The following RUBCN variants were observed in gnomAD, a reference collection of about 807,000 sequenced individuals.
RUBCN encodes the protein rubicon autophagy regulator.
Under a neutral mutation model 113.2 loss-of-function variants are expected in RUBCN, and 74 were observed. The observed-to-expected ratio is 0.65, with a 90% confidence interval of 0.54 to 0.79. The LOEUF (loss-of-function observed/expected upper bound fraction) is 0.79, where lower values mean the gene tolerates loss of function less well. RUBCN is among the 30% of genes least tolerant of loss of function. RUBCN has a pLI of 0.00. For missense variants in RUBCN, 1,109 were observed against 1,251.7 expected (o/e 0.89, Z 1.72); for synonymous variants, 480 against 490.0 (o/e 0.98, Z 0.27).
At chr3:197,737,622 G>C (rs775146570), upstream of RUBCN, among the ~76,000 whole-genome samples, 1 of 152,012 alleles carries the variant, frequency 6.6e-6, no homozygotes, top group Non-Finnish European at 1.5e-5. Context: ...ATCATGAAAT[G>C]CCATTTTAAG....
chr3:197,681,242 C>T lies in RUBCN; in HGVS notation c.2317G>A (p.Val773Ile), dbSNP rs369445524. Residue 773 changes from valine to isoleucine, a missense_variant, in exon 16 of 20, where the codon GTC becomes ATC. Val to Ile is a conservative substitution (Grantham distance 29). Coordinates refer to ENST00000296343, the MANE Select transcript of RUBCN (RefSeq NM_014687.4). The surrounding 1 kb of genome is among the most constrained non-coding windows in gnomAD (Gnocchi z 5.5). ...LRKWDFSKYYVSNFSKDLLIK... is the reference protein window; with the variant it reads ...LRKWDFSKYYISNFSKDLLIK... ...AGCAGGTCCTTGGAGAAGTTGCTGA[C>T]GTAGTACTTGCTGAAGTCCCACTTG... 1.4e-5 allele frequency: 23 copies of T among 1,613,984 alleles called. No homozygotes were observed. Among genetic ancestry groups the T allele is most frequent in the South Asian group, 5.5e-5 (5 of 91,082 alleles).
At chr3:197,708,928 G>A (rs1038147402) in intron 2 of RUBCN, among the ~76,000 whole-genome samples, 1 of 152,058 alleles carries the variant, frequency 6.6e-6, no homozygotes, top group African/African-American at 2.4e-5. Flanking sequence ...GGGGAAAAAT[G>A]AAAAATGAAA....
chr3:197,725,491 C>G (rs1251455532), intron 1 of RUBCN, among the ~76,000 whole-genome samples: 3 of 149,300 alleles, frequency 2.0e-5, no homozygotes, highest in Non-Finnish European at 4.4e-5. Flanking sequence ...ATCGGCCAGT[C>G]CCATACATTT....
chr3:197,677,105 T>A (rs571486225), intron 17 of RUBCN, 67 bp from the exon 18 acceptor site: 2 of 1,521,530 alleles, frequency 1.3e-6, no homozygotes, highest in African/African-American at 2.7e-5. Context: ...AGTAGAAGGA[T>A]CCCTATCCAG....
At position 197,675,229 on chromosome 3, in the gene RUBCN, A is replaced by C. The variant is rs1388974269; in HGVS notation, c.2741-33T>G. ...GGTTGGGAAGGTGGGGGAGAGAAGA[A>C]AACAATTTGTATTATCTCCAGCTAG... On this transcript the variant is annotated intron_variant, in intron 19 of 19. Transcript: ENST00000296343. The surrounding 1 kb of genome is among the most constrained non-coding windows in gnomAD (Gnocchi z 4.4). 6.2e-7 allele frequency: 1 copy of C among 1,611,414 alleles called. No individual in the cohort carries two copies. Among genetic ancestry groups the C allele is most frequent in the African/African-American group, 1.3e-5 (1 of 75,018 alleles).
At chr3:197,707,018 T>C (rs1356386658) in intron 2 of RUBCN, among the ~76,000 whole-genome samples, 2 of 151,216 alleles carry the variant, frequency 1.3e-5, no homozygotes, top group Non-Finnish European at 2.9e-5. Flanking sequence ...CTCCAGCATG[T>C]CTCTTGGTTA....
chr3:197,684,787 A>G (rs577484839), intron 11 of RUBCN, among the ~76,000 whole-genome samples: 2 of 152,202 alleles, frequency 1.3e-5, no homozygotes, highest in East Asian at 3.9e-4. Context: ...TGCCTAACAC[A>G]TAACTGGGAT....
rs1208091752 is a variant in RUBCN, at chr3:197,669,803, TAATA to T, written c.*5211_*5214del. On this transcript the variant is annotated 3_prime_UTR_variant, in exon 20 of 20. Transcript: ENST00000296343. ...GTCATTTATTTATGTATGTATGGAC[TAATA>T]AATATATATTTGACATACACTTTTT... Among the ~76,000 whole-genome samples the T allele has an allele frequency of 1.3e-5, 2 of 152,264 alleles. No homozygotes were observed. The highest frequency in any genetic ancestry group is 2.9e-5 in the Non-Finnish European group (2 of 68,048).
chr3:197,692,440 AG>A (rs1722526680), intron 11 of RUBCN, among the ~76,000 whole-genome samples: 1 of 151,572 alleles, frequency 6.6e-6, no homozygotes, highest in Admixed American at 6.6e-5. Context: ...GCCTTGGGGA[AG>A]GGGGTCGTGG....
Position 197,706,442 on chromosome 3 carries a change from G to C in RUBCN, c.220-1267C>G, listed in dbSNP as rs141612739. On this transcript the variant is annotated intron_variant, in intron 2 of 19. Transcript: ENST00000296343. ...TCATGCCTGTAATCTCAGCACTTTG[G>C]GGGGCTGAGGTGAGCGGATCACTTG... Among the ~76,000 whole-genome samples, 24 of 152,216 alleles carry C rather than the reference G, an allele frequency of 1.6e-4. No homozygotes were observed. In the South Asian group the frequency reaches 1.7e-3, roughly 11 times the overall value.
At chr3:197,731,815 C>T (rs1159343243) in intron 1 of RUBCN, among the ~76,000 whole-genome samples, 5 of 151,976 alleles carry the variant, frequency 3.3e-5, no homozygotes, top group African/African-American at 1.2e-4. Context: ...CCCCCACCTC[C>T]CTCCGGGACA....
At chr3:197,724,486 T>C (rs114458338) in intron 1 of RUBCN, among the ~76,000 whole-genome samples, 1 of 152,212 alleles carries the variant, frequency 6.6e-6, no homozygotes, top group South Asian at 2.1e-4. Context: ...CTGGTCTATC[T>C]TCAATCCCCA....
chr3:197,694,037 G>C (rs1722719730), intron 10 of RUBCN: 2 of 545,332 alleles, frequency 3.7e-6, no homozygotes, highest in Non-Finnish European at 6.5e-6. Context: ...TGGGAAGGGA[G>C]CTATTCCTTT....
At chr3:197,722,400 G>A (rs1176666765) in intron 1 of RUBCN, among the ~76,000 whole-genome samples, 1 of 151,954 alleles carries the variant, frequency 6.6e-6, no homozygotes, top group Non-Finnish European at 1.5e-5. Context: ...TGAGTAGAAT[G>A]TTCTGTAGAT....
At position 197,681,254 on chromosome 3, in the gene RUBCN, T is replaced by C; in HGVS notation, c.2305A>G (p.Ser769Gly). 1 of 1,614,122 alleles carries C rather than the reference T, an allele frequency of 6.2e-7. No individual in the cohort carries two copies. The highest frequency in any genetic ancestry group is 8.5e-7 in the Non-Finnish European group (1 of 1,179,978). ...GAGAAGTTGCTGACGTAGTACTTGC[T>C]GAAGTCCCACTTGCGCAGAACCCGG... ...PSRVLRKWDF[S>G]KYYVSNFSKD... Residue 769 changes from serine (S) to glycine (G), a missense_variant, in exon 16 of 20, where the codon AGC (serine) becomes GGC (glycine). Coordinates refer to ENST00000296343, the MANE Select transcript of RUBCN (RefSeq NM_014687.4). The surrounding 1 kb of genome is among the most constrained non-coding windows in gnomAD (Gnocchi z 5.5).
At chr3:197,677,403 C>T in intron 17 of RUBCN, 77 bp downstream of exon 17, 1 of 1,264,262 alleles carries the variant, frequency 7.9e-7, no homozygotes, top group South Asian at 1.2e-5. Context: ...CGTTACATAA[C>T]AAGAGCCAAG....
At position 197,672,997 on chromosome 3, in the gene RUBCN, TG is replaced by T. The variant is rs1241156231; in HGVS notation, c.*2020del. On this transcript the variant is annotated 3_prime_UTR_variant, in exon 20 of 20. Transcript: ENST00000296343. Reference sequence around the variant, plus strand: ...TGAGCCACTGTGCCTGGCCTGGATGTGTAATTTAAACCAAAACTGGAAGTAG... The same window carrying T: ...TGAGCCACTGTGCCTGGCCTGGATGTTAATTTAAACCAAAACTGGAAGTAG... 1 of 152,348 alleles carries T rather than the reference TG, an allele frequency of 6.6e-6. No individual in the cohort carries two copies. Among genetic ancestry groups the T allele is most frequent in the Non-Finnish European group, 1.5e-5 (1 of 68,150 alleles). 9.4% of individuals were successfully genotyped at this position (152,348 alleles called of 1,614,324 possible).
rs1165064210 is a variant in RUBCN at position 197,703,397 on chromosome 3, CAAAAAAAAAAAAAAAAAAAA to C, written c.570+131_570+150del. 217 of 155,814 alleles carry C rather than the reference CAAAAAAAAAAAAAAAAAAAA, an allele frequency of 1.4e-3. 2 individuals carry two copies. The highest frequency in any genetic ancestry group is 4.5e-3 in the Middle Eastern group (2 of 446). 9.7% of individuals were successfully genotyped at this position (155,814 alleles called of 1,614,324 possible). A position where few individuals can be genotyped will look rare whatever the true frequency, so the allele number is the denominator to read the frequency against. On this transcript the variant is annotated intron_variant, in intron 5 of 19. Transcript: ENST00000296343. ...TGGGAAACAGAGCGAGACTCTGTCT[CAAAAAAAAAAAAAAAAAAAA>C]AAAAAAAAAAAAAAATGCAAGCCTT... is the stretch of plus-strand genomic sequence containing the variant.
At chr3:197,703,116 T>C (rs112884449) in intron 5 of RUBCN, among the ~76,000 whole-genome samples, 17,885 of 151,854 alleles carry the variant, frequency 0.12, 1,198 homozygotes, top group African/African-American at 0.17. Flanking sequence ...AAATGAAAGC[T>C]GGCCGGGCGC....
Sources: allele counts gnomAD v4.1 joint callset (sites outside exome capture counted in the v4.1 genomes callset), GRCh38; gene constraint gnomAD v4.1.1; non-coding constraint Gnocchi (gnomAD v3.1); transcripts MANE v1.5; gene names NCBI Gene and HGNC (gene_info 2026-07-23, HGNC 2026-07-21).